CHRM3: variants seen among roughly 807,000 people sequenced by gnomAD.
CHRM3 encodes cholinergic receptor muscarinic 3, also known as muscarinic acetylcholine receptor M3.
A neutral mutation model predicts 41.8 loss-of-function variants in CHRM3; 11 were observed. That is an observed-to-expected ratio of 0.26 (90% CI 0.17 to 0.44). CHRM3 has a LOEUF of 0.44. CHRM3 is among the 20% of genes least tolerant of loss of function. The pLI is 1.00. For synonymous variants in CHRM3, 297 were observed against 301.4 expected (o/e 0.99, Z 0.15); for missense variants, 571 against 745.4 (o/e 0.77, Z 2.72).
intron 3 of CHRM3, among the ~76,000 whole-genome samples, chr1:239,596,664 CATT>C (rs760634254): frequency 3.9e-5 from 6 of 152,034 alleles, no homozygotes; most frequent in Non-Finnish European, 7.4e-5. Context: ...TAGTTTCAAT[CATT>C]ATGCTTTGAA....
chr1:239,450,988 A>G (rs1245498924), intron 1 of CHRM3, among the ~76,000 whole-genome samples: 3 of 152,150 alleles, frequency 2.0e-5, no homozygotes, highest in Non-Finnish European at 4.4e-5. Flanking sequence ...CCAGGAGTTT[A>G]AGGCTGACAC....
chr1:239,805,290 T>A (rs1186979033), intron 5 of CHRM3, among the ~76,000 whole-genome samples: 1 of 152,174 alleles, frequency 6.6e-6, no homozygotes, highest in African/African-American at 2.4e-5. Context: ...CTAAGAGGGA[T>A]ATGTTTTGCT....
Position 239,751,211 on chromosome 1 carries a change from C to G in CHRM3, c.-147+72923C>G, listed in dbSNP as rs1233191525. Among the ~76,000 whole-genome samples, 6 of 148,498 alleles carry G rather than the reference C, an allele frequency of 4.0e-5. 1 individual carries two copies. In the East Asian group the frequency reaches 6.0e-4, roughly 15 times the overall value. On this transcript the variant is annotated intron_variant, in intron 5 of 6. Transcript: ENST00000676153. ...CGACATCGCGCCACTACACTCCAGCCTGGATGACAAGAGTGAAACTTCATC... is the reference window on the plus strand; with the variant it reads ...CGACATCGCGCCACTACACTCCAGCGTGGATGACAAGAGTGAAACTTCATC...
At chr1:239,430,317 C>A (rs535593950) in intron 1 of CHRM3, among the ~76,000 whole-genome samples, 2 of 151,988 alleles carry the variant, frequency 1.3e-5, no homozygotes, top group Admixed American at 1.3e-4. Context: ...GGTGAAATAT[C>A]GAACTTTACA....
chr1:239,879,650 C>T (rs558570137), intron 6 of CHRM3, among the ~76,000 whole-genome samples: 2 of 152,194 alleles, frequency 1.3e-5, no homozygotes, highest in Non-Finnish European at 1.5e-5. Flanking sequence ...AGCCTGGCAG[C>T]GCCCAGTGTG....
At chr1:239,679,572 A>G (rs1658356746) in intron 5 of CHRM3, among the ~76,000 whole-genome samples, 1 of 152,132 alleles carries the variant, frequency 6.6e-6, no homozygotes, top group Admixed American at 6.6e-5. Flanking sequence ...TGAAGTAATT[A>G]ACAGATGTGT....
At chr1:239,449,734 G>A (rs1442121615) in intron 1 of CHRM3, among the ~76,000 whole-genome samples, 1 of 135,542 alleles carries the variant, frequency 7.4e-6, no homozygotes, top group Non-Finnish European at 1.5e-5. Context: ...TCACATTCTG[G>A]TGTGTGTGTG....
At chr1:239,400,913 G>T (rs1487654045) in intron 1 of CHRM3, among the ~76,000 whole-genome samples, 1 of 152,048 alleles carries the variant, frequency 6.6e-6, no homozygotes, top group Non-Finnish European at 1.5e-5. Context: ...AACATACTGA[G>T]GACTTTCCTC....
At chr1:239,883,725 C>G (rs1677838596) in intron 6 of CHRM3, among the ~76,000 whole-genome samples, 1 of 152,162 alleles carries the variant, frequency 6.6e-6, no homozygotes, top group South Asian at 2.1e-4. Context: ...TGAACAAATA[C>G]ACACACAGTC....
chr1:239,801,247 G>A (rs371725709), intron 5 of CHRM3, among the ~76,000 whole-genome samples: 21 of 152,260 alleles, frequency 1.4e-4, no homozygotes, highest in South Asian at 2.1e-4. Context: ...GAGCAGTGGC[G>A]TAGTTTACCC....
chr1:239,763,592 G>C (rs1463835944), intron 5 of CHRM3, among the ~76,000 whole-genome samples: 2 of 152,096 alleles, frequency 1.3e-5, no homozygotes, highest in African/African-American at 4.8e-5. Context: ...AAGCATCAAA[G>C]TGCTATGAAA....
At chr1:239,872,849 C>T (rs941304102) in intron 6 of CHRM3, among the ~76,000 whole-genome samples, 1 of 152,082 alleles carries the variant, frequency 6.6e-6, no homozygotes, top group African/African-American at 2.4e-5. Context: ...TCCCTCAGAG[C>T]ATAAAGCCAC....
At chr1:239,618,996 C>G (rs1351810247) in intron 3 of CHRM3, among the ~76,000 whole-genome samples, 1 of 151,200 alleles carries the variant, frequency 6.6e-6, no homozygotes, top group East Asian at 2.0e-4. Flanking sequence ...CTCACTGCAA[C>G]CTCCGCCTCC....
chr1:239,639,360 G>C lies in CHRM3; in HGVS notation c.-250+7074G>C, dbSNP rs563310657. Among the ~76,000 whole-genome samples, 17 of 152,252 alleles carry C rather than the reference G, an allele frequency of 1.1e-4. No homozygotes were observed. The East Asian group carries it at 3.3e-3, about 29-fold the overall frequency. ...ATCTATAAATTACCTTGGACAGTATGGCCATTTTTACGATATTGATTCTTC... is the reference window on the plus strand; with the variant it reads ...ATCTATAAATTACCTTGGACAGTATCGCCATTTTTACGATATTGATTCTTC... On this transcript the variant is annotated intron_variant, in intron 4 of 6. Transcript: ENST00000676153.
intron 3 of CHRM3, among the ~76,000 whole-genome samples, chr1:239,600,797 TTTCC>T (rs377366936): frequency 0.015 from 2,183 of 150,548 alleles, 20 homozygotes; most frequent in African/African-American, 0.016. Flanking sequence ...CTTCCTTTTC[TTTCC>T]TTCCTTCCTT....
chr1:239,653,387 A>C (rs552331844), intron 4 of CHRM3, among the ~76,000 whole-genome samples: 1 of 152,288 alleles, frequency 6.6e-6, no homozygotes, highest in East Asian at 1.9e-4. Flanking sequence ...ACTTAGCAGG[A>C]ATCTTTTTAC....
intron 5 of CHRM3, among the ~76,000 whole-genome samples, chr1:239,709,955 A>G (rs1242196839): frequency 6.6e-6 from 1 of 152,214 alleles, no homozygotes; most frequent in East Asian, 1.9e-4. Context: ...GCATCATTGT[A>G]TCATGAGATA....
At chr1:239,901,678 A>G (rs1357128189) in intron 6 of CHRM3, among the ~76,000 whole-genome samples, 1 of 152,156 alleles carries the variant, frequency 6.6e-6, no homozygotes, top group Non-Finnish European at 1.5e-5. Flanking sequence ...AAGTTAATAT[A>G]TATCTAGTTG....
chr1:239,629,753 T>G (rs180978720), intron 3 of CHRM3, among the ~76,000 whole-genome samples: 65 of 152,328 alleles, frequency 4.3e-4, no homozygotes, highest in Non-Finnish European at 7.2e-4. Context: ...ATGGACATCA[T>G]AAATCAGAGT....
Sources: gnomAD v4.1 joint callset for allele counts (sites outside exome capture counted in the v4.1 genomes callset) on GRCh38, gnomAD v4.1.1 for gene constraint, MANE v1.5 for transcripts, NCBI Gene and HGNC (gene_info 2026-07-23, HGNC 2026-07-21) for gene names.